The following PPP2R3A variants were observed in gnomAD, a reference collection of about 807,000 sequenced individuals.
PPP2R3A encodes the protein serine/threonine-protein phosphatase 2A regulatory subunit B'' subunit alpha.
A neutral mutation model predicts 106.9 loss-of-function variants in PPP2R3A; 80 were observed. The observed-to-expected ratio is 0.75, with a 90% confidence interval of 0.62 to 0.90. PPP2R3A has a LOEUF of 0.90. PPP2R3A is among the 40% of genes least tolerant of loss of function. The pLI, the probability that PPP2R3A is intolerant of heterozygous loss-of-function variation, is 0.00. For synonymous variants in PPP2R3A, 483 were observed against 468.3 expected (o/e 1.03, Z -0.41); for missense variants, 1,386 against 1,350.4 (o/e 1.03, Z -0.41).
rs1347154552 is a variant in PPP2R3A, at chr3:136,026,991, C to A, written c.2155C>A (p.Pro719Thr). The A allele has an allele frequency of 6.2e-7, 1 of 1,612,908 alleles. No homozygotes were observed. The highest frequency in any genetic ancestry group is 8.5e-7 in the Non-Finnish European group (1 of 1,179,022). ...ACGGTTCTACTTTCCTGAAGGACTC[C>A]CAGATACCTGTAGTAATCATGAACA... Reference protein sequence around the residue: ...IPRFYFPEGLPDTCSNHEQTL... With the variant: ...IPRFYFPEGLTDTCSNHEQTL... The change falls in exon 3 of 14, where the codon CCA becomes ACA. Residue 719 changes from proline (P) to threonine (T), a missense_variant. Transcript: ENST00000264977.
At chr3:136,056,805 G>A (rs1935877885) in intron 5 of PPP2R3A, among the ~76,000 whole-genome samples, 1 of 151,954 alleles carries the variant, frequency 6.6e-6, no homozygotes, top group Non-Finnish European at 1.5e-5. Context: ...CAGAATGGTA[G>A]AAAATATTTG....
intron 13 of PPP2R3A, among the ~76,000 whole-genome samples, chr3:136,137,074 C>T (rs770455317): frequency 2.0e-5 from 3 of 152,108 alleles, no homozygotes; most frequent in African/African-American, 7.2e-5. Flanking sequence ...AAATGTGTTA[C>T]CTATATGAAG....
In PPP2R3A at chr3:136,001,476, C is replaced by A. The variant is rs754678610; in HGVS notation, c.-23C>A. On this transcript the variant is annotated 5_prime_UTR_variant, in exon 2 of 14. Coordinates refer to ENST00000264977, the MANE Select transcript of PPP2R3A (RefSeq NM_002718.5). ...ACAAGTTCTAGAAAGTTCCAAGTCCCACCAGTAAGTGGATTTGATATTATG... is the reference window on the plus strand; with the variant it reads ...ACAAGTTCTAGAAAGTTCCAAGTCCAACCAGTAAGTGGATTTGATATTATG... The A allele has an allele frequency of 1.2e-5, 19 of 1,589,226 alleles. No individual in the cohort carries two copies. The highest frequency in any genetic ancestry group is 1.5e-5 in the Non-Finnish European group (17 of 1,164,374).
Position 136,078,379 on chromosome 3 carries a change from A to C in PPP2R3A, c.2557A>C (p.Ile853Leu). The C allele has an allele frequency of 6.2e-7, 1 of 1,605,430 alleles. No homozygotes were observed. The highest frequency in any genetic ancestry group is 8.5e-7 in the Non-Finnish European group (1 of 1,174,810). Reference protein sequence around the residue: ...SRYITTVIQRIFYTVNRSWSG... With the variant: ...SRYITTVIQRLFYTVNRSWSG... ...CTTTTGGAACCAGGTTATTCAGAGA[A>C]TATTCTACACAGTCAACAGATCTTG... Residue 853 changes from isoleucine (I) to leucine (L), a missense_variant, in exon 7 of 14, where the codon ATA (isoleucine) becomes CTA (leucine). Transcript: ENST00000264977.
In PPP2R3A at chr3:136,014,602, G is replaced by T. The variant is rs183840749; in HGVS notation, c.1995+11109G>T. ...TTTTTTTACAGTTATTGTAAAAGGG[G>T]TTGAGTTCTTGATTTGATTCTCAGC... On this transcript the variant is annotated intron_variant, in intron 2 of 13. Transcript: ENST00000264977. 4.8e-3 allele frequency among the ~76,000 whole-genome samples: 727 copies of T among 152,034 alleles called. 7 individuals carry two copies. The highest frequency in any genetic ancestry group is 8.5e-3 in the Non-Finnish European group (577 of 67,906).
At chr3:135,985,769 A>G (rs1446531888) in intron 1 of PPP2R3A, among the ~76,000 whole-genome samples, 1 of 152,232 alleles carries the variant, frequency 6.6e-6, no homozygotes, top group African/African-American at 2.4e-5. Flanking sequence ...GAACAAGATC[A>G]GCATGATTAA....
At chr3:135,984,274 G>C (rs1164292077) in intron 1 of PPP2R3A, among the ~76,000 whole-genome samples, 1 of 152,134 alleles carries the variant, frequency 6.6e-6, no homozygotes, top group Non-Finnish European at 1.5e-5. Context: ...TGACAAAAGA[G>C]CTTTGATCTT....
At chr3:136,047,776 G>A (rs979705630) in intron 4 of PPP2R3A, among the ~76,000 whole-genome samples, 55 of 152,130 alleles carry the variant, frequency 3.6e-4, no homozygotes, top group African/African-American at 1.3e-3. Context: ...GTGGTGGCGG[G>A]TGCCTGTAGT....
chr3:136,046,454 C>CA (rs35307516), intron 4 of PPP2R3A, among the ~76,000 whole-genome samples: 108 of 127,840 alleles, frequency 8.4e-4, no homozygotes, highest in East Asian at 4.4e-3. Context: ...AACTCCATCT[C>CA]AAAAAAAAAA....
intron 1 of PPP2R3A, among the ~76,000 whole-genome samples, chr3:135,976,925 A>G (rs1182573034): frequency 2.0e-5 from 3 of 152,122 alleles, no homozygotes; most frequent in African/African-American, 7.2e-5. Flanking sequence ...TGGCATGTCA[A>G]ATTATCAATT....
chr3:136,055,794 TATAAA>T (rs1935840995), intron 5 of PPP2R3A: 1 of 567,028 alleles, frequency 1.8e-6, no homozygotes, highest in Non-Finnish European at 3.2e-6. Context: ...CACATACTGA[TATAAA>T]TAAATGATTG....
At chr3:136,135,563 G>A (rs1384957933) in intron 13 of PPP2R3A, among the ~76,000 whole-genome samples, 1 of 152,136 alleles carries the variant, frequency 6.6e-6, no homozygotes, top group African/African-American at 2.4e-5. Context: ...AGAAAGACCA[G>A]AGGCTTAGGA....
chr3:135,966,614 A>G (rs189313302), intron 1 of PPP2R3A, among the ~76,000 whole-genome samples: 3 of 151,210 alleles, frequency 2.0e-5, no homozygotes, highest in Non-Finnish European at 2.9e-5. Flanking sequence ...CGTTATTCCC[A>G]GTCCTCCCAC....
intron 5 of PPP2R3A, among the ~76,000 whole-genome samples, chr3:136,054,104 T>G (rs1935774836): frequency 6.6e-6 from 1 of 152,150 alleles, no homozygotes; most frequent in African/African-American, 2.4e-5. Context: ...AATACTTAAA[T>G]ACTATTATTT....
At chr3:136,088,421 C>T (rs1937012980) in intron 9 of PPP2R3A, among the ~76,000 whole-genome samples, 2 of 152,208 alleles carry the variant, frequency 1.3e-5, no homozygotes, top group African/African-American at 2.4e-5. Flanking sequence ...GCTGCAGGGA[C>T]ATGATTTCAT....
At chr3:135,981,314 A>G (rs1227860126) in intron 1 of PPP2R3A, among the ~76,000 whole-genome samples, 1 of 151,724 alleles carries the variant, frequency 6.6e-6, no homozygotes, top group Non-Finnish European at 1.5e-5. Context: ...TCTCTGTATT[A>G]GAGGATTTGG....
chr3:136,062,545 C>T (rs1297083487), intron 5 of PPP2R3A, among the ~76,000 whole-genome samples: 3 of 151,912 alleles, frequency 2.0e-5, no homozygotes, highest in East Asian at 1.9e-4. Flanking sequence ...TGTGAAACCC[C>T]GTCTCCACTA....
At chr3:136,037,183 A>G (rs983255514) in intron 3 of PPP2R3A, among the ~76,000 whole-genome samples, 4 of 152,250 alleles carry the variant, frequency 2.6e-5, no homozygotes, top group African/African-American at 7.2e-5. Flanking sequence ...TTAAGTGCCT[A>G]GAAAACTCTG....
At chr3:135,985,416 C>G (rs1937599804) in intron 1 of PPP2R3A, among the ~76,000 whole-genome samples, 1 of 151,106 alleles carries the variant, frequency 6.6e-6, no homozygotes, top group African/African-American at 2.4e-5. Flanking sequence ...CTCTCGCTCT[C>G]TCTGTCTCTC....
Sources: gnomAD v4.1 joint callset for allele counts (sites outside exome capture counted in the v4.1 genomes callset) on GRCh38, gnomAD v4.1.1 for gene constraint, MANE v1.5 for transcripts, NCBI Gene and HGNC (gene_info 2026-07-23, HGNC 2026-07-21) for gene names.